Variants in RXYLT1 observed in about 807,000 individuals in gnomAD.
RXYLT1 encodes ribitol-5-phosphate xylosyltransferase 1.
In RXYLT1, 41 loss-of-function variants were observed where a neutral mutation model predicts 43.5. The ratio of observed to expected loss-of-function variants is 0.94; its 90% CI spans 0.73 to 1.22. The LOEUF is 1.22. Among genes scored for constraint, RXYLT1 ranks in the 50% most tolerant of loss-of-function variants. The pLI is 0.00. For missense variants in RXYLT1, 514 were observed against 532.0 expected (o/e 0.97, Z 0.33); for synonymous variants, 166 against 194.4 (o/e 0.85, Z 1.21).
intron 3 of RXYLT1, among the ~76,000 whole-genome samples, chr12:63,795,098 A>G (rs1267338401): frequency 6.6e-6 from 1 of 152,026 alleles, no homozygotes; most frequent in African/African-American, 2.4e-5. Flanking sequence ...GGAGTTTGAG[A>G]CCAGCCTAGG....
At chr12:63,790,423 ACTT>A (rs1897897077) in intron 3 of RXYLT1, 1 of 152,220 alleles carries the variant, frequency 6.6e-6, no homozygotes. Flanking sequence ...GGCAAACTGA[ACTT>A]CTGGATGAGC....
At chr12:63,783,033 C>A (rs1897719142) in intron 2 of RXYLT1, among the ~76,000 whole-genome samples, 1 of 152,182 alleles carries the variant, frequency 6.6e-6, no homozygotes, top group Admixed American at 6.5e-5. Context: ...AAGTTTATCA[C>A]AAGTTCTGCT....
rs776300607 is a variant in RXYLT1, at chr12:63,779,911, C to A, written c.-50C>A. 6.2e-6 allele frequency: 10 copies of A among 1,604,848 alleles called. No individual in the cohort carries two copies. The highest frequency in any genetic ancestry group is 2.2e-5 in the South Asian group (2 of 91,026). On this transcript the variant is annotated 5_prime_UTR_variant, in exon 1 of 6. Coordinates refer to ENST00000261234, the MANE Select transcript of RXYLT1 (RefSeq NM_014254.3). ...GGACGCCGCCGGTGTCGCGGATTCT[C>A]TTTCCGCCCGCTCCATGGCGGTGGA...
At position 63,779,972 on chromosome 12, in the gene RXYLT1, G is replaced by A; in HGVS notation, c.12G>A (p.Thr4=). The part of the protein sequence containing the change: MRL[T]RKRLCSFLIA... ...GAAGCCCGAGTGGGATGCGGCTGAC[G>A]CGGAAGCGGCTCTGCTCGTTTCTTA... Residue 4 remains threonine (T), a synonymous_variant, in exon 1 of 6, where the codon ACG becomes ACA. Transcript: ENST00000261234. 5 of 1,610,944 alleles carry A rather than the reference G, an allele frequency of 3.1e-6. No homozygotes were observed. The highest frequency in any genetic ancestry group is 1.1e-5 in the South Asian group (1 of 91,062).
chr12:63,782,780 A>C (rs1331127783), intron 2 of RXYLT1: 2 of 298,484 alleles, frequency 6.7e-6, no homozygotes, highest in African/African-American at 4.4e-5. Flanking sequence ...CTTCTGAGGC[A>C]CTAGCAAAAG....
intron 3 of RXYLT1, among the ~76,000 whole-genome samples, chr12:63,787,109 GA>G (rs745483871): frequency 8.8e-4 from 127 of 144,066 alleles, no homozygotes; most frequent in African/African-American, 3.1e-3. Flanking sequence ...ATGAGTCAAA[GA>G]AAAAAAAAAA....
Position 63,809,462 on chromosome 12 carries a change from CTA to C in RXYLT1, c.*372_*373del, listed in dbSNP as rs1898401238. ...AATATTTAATAATGACAATAAATGA[CTA>C]TGTTACTGGTTTATGTATTTACTAT... is the stretch of plus-strand genomic sequence containing the variant. On this transcript the variant is annotated 3_prime_UTR_variant, in exon 6 of 6. Transcript: ENST00000261234. 1.2e-5 allele frequency: 2 copies of C among 173,868 alleles called. No homozygotes were observed. The highest frequency in any genetic ancestry group is 1.5e-4 in the South Asian group (1 of 6,696). The allele number at this position is 173,868 out of a possible 1,614,324, so 10.8% of individuals were successfully genotyped here.
At chr12:63,797,770 G>A (rs1898067561) in intron 3 of RXYLT1, among the ~76,000 whole-genome samples, 1 of 152,118 alleles carries the variant, frequency 6.6e-6, no homozygotes, top group African/African-American at 2.4e-5. Context: ...ATTTGAAGGA[G>A]ACAGCTGGGT....
In RXYLT1 at chr12:63,793,696, T is replaced by C. The variant is rs114580162; in HGVS notation, c.429-8395T>C. On this transcript the variant is annotated intron_variant, in intron 3 of 5. Transcript: ENST00000261234. ...GTAGTAGAAATGGAGAGAAGTGGGGTGAAAAACAAATATTTATGACCAAAA... is the reference window on the plus strand; with the variant it reads ...GTAGTAGAAATGGAGAGAAGTGGGGCGAAAAACAAATATTTATGACCAAAA... 6.2e-3 allele frequency among the ~76,000 whole-genome samples: 947 copies of C among 152,126 alleles called. 11 individuals are homozygous for C. Among genetic ancestry groups the C allele is most frequent in the African/African-American group, 0.021 (856 of 41,494 alleles).
Position 63,779,915 on chromosome 12 carries a change from C to T in RXYLT1, c.-46C>T, listed in dbSNP as rs1897630722. 8 of 1,605,324 alleles carry T rather than the reference C, an allele frequency of 5.0e-6. No homozygotes were observed. The highest frequency in any genetic ancestry group is 1.7e-5 in the Admixed American group (1 of 59,870). ...GCCGCCGGTGTCGCGGATTCTCTTT[C>T]CGCCCGCTCCATGGCGGTGGATGCC... On this transcript the variant is annotated 5_prime_UTR_variant, in exon 1 of 6. Transcript: ENST00000261234.
intron 3 of RXYLT1, among the ~76,000 whole-genome samples, chr12:63,799,302 CTTTTTTTTTTT>C (rs11312130): frequency 2.8e-5 from 2 of 71,632 alleles, no homozygotes; most frequent in Admixed American, 1.7e-4. Context: ...CTTTTCTTTT[CTTTTTTTTTTT>C]TTTTTTTTTT....
chr12:63,781,266 AT>A (rs1399263710), intron 2 of RXYLT1, 92 bp downstream of exon 2: 2 of 1,244,824 alleles, frequency 1.6e-6, no homozygotes, highest in Non-Finnish European at 2.1e-6. Context: ...TTATTTCATA[AT>A]TTGTTAATTA....
At chr12:63,796,091 C>T (rs956042236) in intron 3 of RXYLT1, among the ~76,000 whole-genome samples, 6 of 152,176 alleles carry the variant, frequency 3.9e-5, no homozygotes, top group African/African-American at 1.2e-4. Flanking sequence ...CAGAATCACA[C>T]GGTGTGCTTG....
intron 4 of RXYLT1, 107 bp from the exon 5 acceptor site, chr12:63,805,127 C>A: frequency 1.3e-6 from 1 of 744,944 alleles, no homozygotes; most frequent in Non-Finnish European, 2.0e-6. Flanking sequence ...TTAGAAATCA[C>A]ATTTTAAACC....
At chr12:63,804,802 TCAA>T (rs1898248731) in intron 4 of RXYLT1, 1 of 154,282 alleles carries the variant, frequency 6.5e-6, no homozygotes, top group Non-Finnish European at 1.4e-5. Context: ...TACCCTTCGA[TCAA>T]CATCTTCCTT....
intron 1 of RXYLT1, 25 bp downstream of exon 1, chr12:63,780,154 T>G (rs1897641789): frequency 6.9e-7 from 1 of 1,442,680 alleles, no homozygotes; most frequent in Non-Finnish European, 9.0e-7. Context: ...GCGGCTTCCT[T>G]CCGGCTCTGC....
chr12:63,809,316 C>A lies in RXYLT1; in HGVS notation c.*224C>A, dbSNP rs951772839. 7.8e-5 allele frequency: 32 copies of A among 412,034 alleles called. No individual in the cohort carries two copies. The highest frequency in any genetic ancestry group is 6.1e-4 in the African/African-American group (30 of 48,934). 25.5% of individuals were successfully genotyped at this position (412,034 alleles called of 1,614,324 possible). A position where few individuals can be genotyped will look rare whatever the true frequency, so the allele number is the denominator to read the frequency against. On this transcript the variant is annotated 3_prime_UTR_variant, in exon 6 of 6. Transcript: ENST00000261234. ...AAAAATTTCTATCGCCTAGTGATGT[C>A]ATAGCCTAGTGATGACATATGTATT...
At chr12:63,797,216 A>C (rs1260923152) in intron 3 of RXYLT1, among the ~76,000 whole-genome samples, 1 of 152,080 alleles carries the variant, frequency 6.6e-6, no homozygotes, top group African/African-American at 2.4e-5. Context: ...CACCTGCCTC[A>C]GCCTCCCAAA....
chr12:63,799,798 A>C (rs1330252955), intron 3 of RXYLT1, among the ~76,000 whole-genome samples: 1 of 152,180 alleles, frequency 6.6e-6, no homozygotes, highest in Non-Finnish European at 1.5e-5. Context: ...CATGCTCTTA[A>C]GAATTATACC....
Sources: allele counts gnomAD v4.1 joint callset (sites outside exome capture counted in the v4.1 genomes callset), GRCh38; gene constraint gnomAD v4.1.1; transcripts MANE v1.5; gene names NCBI Gene and HGNC (gene_info 2026-07-23, HGNC 2026-07-21).